The following HKDC1 variants were observed in gnomAD, a reference collection of about 807,000 sequenced individuals.
HKDC1 encodes hexokinase HKDC1.
HKDC1 carries 66 observed loss-of-function variants against 96.6 expected under a neutral mutation model. The observed-to-expected ratio is 0.68, with a 90% CI of 0.56 to 0.84. HKDC1 has a LOEUF of 0.84. Ranked by LOEUF, HKDC1 falls within the 40% of genes least tolerant of loss-of-function variation. The probability of loss-of-function intolerance (pLI) is 0.00; values close to 1 mark genes in which losing one functional copy is unlikely to be tolerated. For synonymous variants in HKDC1, 466 were observed against 473.1 expected (o/e 0.98, Z 0.20); for missense variants, 1,211 against 1,208.1 (o/e 1.00, Z -0.04).
chr10:69,248,800 G>A, intron 10 of HKDC1, 72 bp downstream of exon 10: 1 of 1,413,188 alleles, frequency 7.1e-7, no homozygotes, highest in Non-Finnish European at 9.4e-7. Context: ...AGCCAGTGAG[G>A]TTCTTGGTTT....
chr10:69,231,676 C>G (rs771426093), intron 2 of HKDC1, among the ~76,000 whole-genome samples: 15 of 152,180 alleles, frequency 9.9e-5, no homozygotes, highest in Non-Finnish European at 1.8e-4. Context: ...TATTTCGGAT[C>G]AATTTCCCAG....
chr10:69,242,248 C>T (rs116827199), intron 6 of HKDC1, among the ~76,000 whole-genome samples: 514 of 152,240 alleles, frequency 3.4e-3, no homozygotes, highest in African/African-American at 0.011. Flanking sequence ...TCATGGCACC[C>T]GCCTGTCACT....
In HKDC1 at chr10:69,227,270, T is replaced by A. The variant is rs759051888; in HGVS notation, c.127T>A (p.Phe43Ile). 5 of 1,613,980 alleles carry A rather than the reference T, an allele frequency of 3.1e-6. No homozygotes were observed. Among genetic ancestry groups the A allele is most frequent in the Non-Finnish European group, 4.2e-6 (5 of 1,180,024 alleles). The change falls in exon 2 of 18, where the codon TTC becomes ATC. Residue 43 changes from phenylalanine to isoleucine, a missense_variant. Physicochemically the swap from Phe to Ile is conservative, Grantham distance 21. Coordinates refer to ENST00000354624, the MANE Select transcript of HKDC1 (RefSeq NM_025130.4). ...DDTLLDIMRR[F>I]RAEMEKGLAK... ...CACCCTTTTGGACATCATGAGGCGG[T>A]TCCGGGCTGAGATGGAGAAGGGCCT...
At chr10:69,251,042 G>T (rs953766597) in intron 12 of HKDC1, among the ~76,000 whole-genome samples, 4 of 149,082 alleles carry the variant, frequency 2.7e-5, no homozygotes, top group Admixed American at 6.7e-5. Context: ...GGTTTTTATC[G>T]TCTGATGAAA....
Position 69,238,368 on chromosome 10 carries a change from CTTTTT to C in HKDC1, c.496-659_496-655del, listed in dbSNP as rs55819248. ...GCATGTATAATACACCAGGTATTTT[CTTTTT>C]TTTTTTTTTTTTTTGAGACGGAGTC... On this transcript the variant is annotated intron_variant, in intron 4 of 17. Coordinates refer to ENST00000354624, the MANE Select transcript of HKDC1 (RefSeq NM_025130.4). Among the ~76,000 whole-genome samples, 19 of 61,382 alleles carry C rather than the reference CTTTTT, an allele frequency of 3.1e-4. 5 individuals are homozygous for C. The highest frequency in any genetic ancestry group is 1.3e-3 in the African/African-American group (16 of 12,110). 40.3% of individuals were successfully genotyped at this position (61,382 alleles called of 152,430 possible).
intron 12 of HKDC1, among the ~76,000 whole-genome samples, chr10:69,251,271 T>G (rs1843640439): frequency 6.6e-6 from 1 of 151,848 alleles, no homozygotes; most frequent in South Asian, 2.1e-4. Flanking sequence ...ATTTTTTGTA[T>G]TTTTAGTAGA....
In HKDC1 at chr10:69,267,110, G is replaced by A. The variant is rs553626382; in HGVS notation, c.*353G>A. ...TTGGAAATATATAGAATCTGCCCAT[G>A]TGGCTGGCAGGCTGTTTCCCCATTG... is the stretch of plus-strand genomic sequence containing the variant. On this transcript the variant is annotated 3_prime_UTR_variant, in exon 18 of 18. Transcript: ENST00000354624. 1.2e-3 allele frequency: 274 copies of A among 226,478 alleles called. 1 individual carries two copies. The highest frequency in any genetic ancestry group is 2.1e-3 in the Non-Finnish European group (242 of 114,810). 14.0% of individuals were successfully genotyped at this position (226,478 alleles called of 1,614,324 possible).
At position 69,250,423 on chromosome 10, in the gene HKDC1, C is replaced by A. The variant is rs762347959; in HGVS notation, c.1704C>A (p.Gly568=). The change falls in exon 11 of 18, where the codon GGC becomes GGA. Residue 568 remains glycine (G), a synonymous_variant. Transcript: ENST00000354624. ...IFAIPLEIMQ[G]TGEELFDHIV... is the part of the protein sequence containing the mutation. ...CCATCCCCCTGGAGATCATGCAGGG[C>A]ACTGGTGAGGAGGTAAGTGCCAGGC... 4 of 1,613,306 alleles carry A rather than the reference C, an allele frequency of 2.5e-6. No individual in the cohort carries two copies. The African/African-American group carries it at 5.3e-5, about 22-fold the overall frequency.
intron 12 of HKDC1, among the ~76,000 whole-genome samples, chr10:69,255,747 TC>T (rs1843708752): frequency 6.6e-6 from 1 of 151,966 alleles, no homozygotes; most frequent in Non-Finnish European, 1.5e-5. Flanking sequence ...TGAAACCTCG[TC>T]TCTACTAAAA....
intron 17 of HKDC1, among the ~76,000 whole-genome samples, 199 bp downstream of exon 17, chr10:69,266,017 C>T (rs550695412): frequency 3.3e-5 from 5 of 152,294 alleles, no homozygotes; most frequent in South Asian, 2.1e-4. Context: ...CCTGGTAATA[C>T]GATGTGGGAA....
At chr10:69,258,468 AATGATG>A (rs752141429) in intron 14 of HKDC1, among the ~76,000 whole-genome samples, 1 of 151,942 alleles carries the variant, frequency 6.6e-6, no homozygotes, top group Non-Finnish European at 1.5e-5. Flanking sequence ...TAACAAAGAT[AATGATG>A]ATGATGATGA....
At chr10:69,231,036 AG>A (rs1235636311) in intron 2 of HKDC1, among the ~76,000 whole-genome samples, 3 of 152,156 alleles carry the variant, frequency 2.0e-5, no homozygotes, top group Non-Finnish European at 4.4e-5. Context: ...CAGAGACAGA[AG>A]GGATCACACC....
chr10:69,254,221 C>T (rs1843686190), intron 12 of HKDC1, among the ~76,000 whole-genome samples: 1 of 152,108 alleles, frequency 6.6e-6, no homozygotes, highest in Non-Finnish European at 1.5e-5. Context: ...AGGAGAATCG[C>T]TAGAACTCAG....
intron 4 of HKDC1, among the ~76,000 whole-genome samples, chr10:69,234,706 C>G (rs912556067): frequency 1.3e-5 from 2 of 152,258 alleles, no homozygotes; most frequent in African/African-American, 4.8e-5. Flanking sequence ...TTACTTGTCT[C>G]TTTGTGCTTT....
intron 10 of HKDC1, among the ~76,000 whole-genome samples, chr10:69,249,143 C>T (rs999089020): frequency 1.3e-5 from 2 of 152,162 alleles, no homozygotes; most frequent in African/African-American, 4.8e-5. Flanking sequence ...CTCATTGCTT[C>T]TGCCCCCAAC....
chr10:69,265,789 G>A lies in HKDC1; in HGVS notation c.2577G>A (p.Val859=). The A allele has an allele frequency of 6.2e-7, 1 of 1,613,044 alleles. No homozygotes were observed. The highest frequency in any genetic ancestry group is 8.5e-7 in the Non-Finnish European group (1 of 1,179,562). The change falls in exon 17 of 18, where the codon GTG becomes GTA. Residue 859 remains valine (V), a synonymous_variant. Coordinates refer to ENST00000354624, the MANE Select transcript of HKDC1 (RefSeq NM_025130.4). ...AGCACCTGAGGATCACTGTGGGTGT[G>A]GACGGCACCCTGTACAAGCTGCACC... ...GLEHLRITVG[V]DGTLYKLHPH...
intron 2 of HKDC1, among the ~76,000 whole-genome samples, chr10:69,230,788 G>A (rs1479187095): frequency 1.3e-5 from 2 of 152,112 alleles, no homozygotes; most frequent in Admixed American, 1.3e-4. Context: ...TGACTTTTTT[G>A]TCTTTTGTTT....
At chr10:69,233,336 A>C (rs1006251854) in intron 4 of HKDC1, among the ~76,000 whole-genome samples, 9 of 152,204 alleles carry the variant, frequency 5.9e-5, no homozygotes, top group Non-Finnish European at 8.8e-5. Context: ...ACGTGGGCAC[A>C]GCTCGGGGGA....
intron 7 of HKDC1, among the ~76,000 whole-genome samples, chr10:69,245,063 G>A (rs555774099): frequency 2.0e-5 from 3 of 152,074 alleles, no homozygotes; most frequent in Middle Eastern, 3.4e-3. Context: ...CACCATGCCC[G>A]GCTAATTTTT....
Sources: allele counts gnomAD v4.1 joint callset (sites outside exome capture counted in the v4.1 genomes callset), GRCh38; gene constraint gnomAD v4.1.1; transcripts MANE v1.5; gene names NCBI Gene and HGNC (gene_info 2026-07-23, HGNC 2026-07-21).